The following DAGLA variants were observed in gnomAD, a reference collection of about 807,000 sequenced individuals.
DAGLA encodes the protein diacylglycerol lipase-alpha.
In DAGLA, 22 loss-of-function variants were observed where a neutral mutation model predicts 102.6. That is an observed-to-expected ratio of 0.21 (90% CI 0.15 to 0.31). The LOEUF is 0.31. Ranked by LOEUF, DAGLA falls within the 10% of genes least tolerant of loss-of-function variation. DAGLA has a pLI of 1.00. For missense variants in DAGLA, 927 were observed against 1,446.6 expected (o/e 0.64, Z 5.83); for synonymous variants, 578 against 628.9 (o/e 0.92, Z 1.21).
chr11:61,710,888 G>A (rs948058565), intron 1 of DAGLA, among the ~76,000 whole-genome samples: 2 of 152,210 alleles, frequency 1.3e-5, no homozygotes. Context: ...TCACTATGAA[G>A]TGAGTACCTT....
In DAGLA at chr11:61,686,632, G is replaced by A. The variant is rs531434823; in HGVS notation, c.-45+6128G>A. On this transcript the variant is annotated intron_variant, in intron 1 of 19. Transcript: ENST00000257215. This position sits in a 1 kb window ranked among gnomAD's most constrained non-coding sequence, Gnocchi z 5.2. Reference sequence around the variant, plus strand: ...GCAAACCAGTCCTACACCTGGAGACGGTCCTGGCCAGGGAGCCTGCGGCTC... The same window carrying A: ...GCAAACCAGTCCTACACCTGGAGACAGTCCTGGCCAGGGAGCCTGCGGCTC... Among the ~76,000 whole-genome samples, 10 of 152,324 alleles carry A rather than the reference G, an allele frequency of 6.6e-5. No individual in the cohort carries two copies. The highest frequency in any genetic ancestry group is 1.3e-4 in the Admixed American group (2 of 15,298).
intron 8 of DAGLA, 124 bp from the exon 9 acceptor site, chr11:61,731,193 G>C (rs2065371062): frequency 1.6e-5 from 19 of 1,198,632 alleles, no homozygotes; most frequent in Non-Finnish European, 2.1e-5. Flanking sequence ...ACCTCAACAG[G>C]GGACCAGCAA....
At chr11:61,719,103 A>T (rs1350578189) in intron 1 of DAGLA, among the ~76,000 whole-genome samples, 1 of 152,110 alleles carries the variant, frequency 6.6e-6, no homozygotes, top group Non-Finnish European at 1.5e-5. Context: ...GGAGCCCTTT[A>T]TGGGTATCTC....
At chr11:61,688,132 T>C (rs907521381) in intron 1 of DAGLA, among the ~76,000 whole-genome samples, 1 of 151,906 alleles carries the variant, frequency 6.6e-6, no homozygotes, top group Non-Finnish European at 1.5e-5. Flanking sequence ...CTGGCTAACA[T>C]GGTGAAACCC....
intron 1 of DAGLA, among the ~76,000 whole-genome samples, chr11:61,708,389 T>G (rs954833906): frequency 3.3e-5 from 5 of 151,966 alleles, no homozygotes; most frequent in Non-Finnish European, 5.9e-5. Context: ...TACAACTTTT[T>G]TTTTTTTTTG....
intron 1 of DAGLA, among the ~76,000 whole-genome samples, chr11:61,700,965 G>T (rs1030535571): frequency 6.6e-6 from 1 of 152,216 alleles, no homozygotes; most frequent in Non-Finnish European, 1.5e-5. Context: ...TGGTGTTCTT[G>T]CAATCCCACT....
At chr11:61,691,522 C>G (rs2065024443) in intron 1 of DAGLA, among the ~76,000 whole-genome samples, 1 of 152,242 alleles carries the variant, frequency 6.6e-6, no homozygotes, top group African/African-American at 2.4e-5. Context: ...GAGCCTGCAG[C>G]CTTTGGAGGT....
At chr11:61,701,020 G>A (rs961544346) in intron 1 of DAGLA, among the ~76,000 whole-genome samples, 1 of 152,204 alleles carries the variant, frequency 6.6e-6, no homozygotes, top group Non-Finnish European at 1.5e-5. Flanking sequence ...CTCCAGCATC[G>A]CTCAGATGTT....
At chr11:61,738,336 T>G (rs1591053276) in intron 16 of DAGLA, 129 bp downstream of exon 16, 1 of 714,464 alleles carries the variant, frequency 1.4e-6, no homozygotes, top group South Asian at 1.8e-5. Context: ...GTGGCTGGTG[T>G]TGTGGGAACT....
At chr11:61,729,984 G>C (rs1202014273) in intron 8 of DAGLA, among the ~76,000 whole-genome samples, 2 of 151,572 alleles carry the variant, frequency 1.3e-5, no homozygotes, top group Non-Finnish European at 2.9e-5. Flanking sequence ...GAGGTAGGAG[G>C]ATTGCTTGAG....
intron 9 of DAGLA, 70 bp downstream of exon 9, chr11:61,731,511 C>T (rs992429905): frequency 1.8e-5 from 29 of 1,588,574 alleles, no homozygotes; most frequent in Middle Eastern, 3.6e-4. Flanking sequence ...GAAGGGCTAC[C>T]GGGCTGCGCC....
In DAGLA at chr11:61,731,442, G is replaced by A; in HGVS notation, c.974+1G>A. 1 of 1,613,292 alleles carries A rather than the reference G, an allele frequency of 6.2e-7. No homozygotes were observed. Among genetic ancestry groups the A allele is most frequent in the Non-Finnish European group, 8.5e-7 (1 of 1,179,974 alleles). On this transcript the variant is annotated splice_donor_variant, in intron 9 of 19. Coordinates refer to ENST00000257215, the MANE Select transcript of DAGLA (RefSeq NM_006133.3). LOFTEE classifies it high-confidence loss of function. Reference sequence around the variant, plus strand: ...TCTGCCAACTGGCTCGGTCCTGCTCGTGAGTACCCCTGTCCCATCCCCCAG... The same window carrying A: ...TCTGCCAACTGGCTCGGTCCTGCTCATGAGTACCCCTGTCCCATCCCCCAG...
intron 16 of DAGLA, 27 bp downstream of exon 16, chr11:61,738,234 T>C: frequency 6.3e-7 from 1 of 1,590,708 alleles, no homozygotes; most frequent in Non-Finnish European, 8.6e-7. Flanking sequence ...GCACCCTGCC[T>C]CTGTGCAGCC....
chr11:61,722,726 T>C, intron 3 of DAGLA, 133 bp from the exon 4 acceptor site: 2 of 720,898 alleles, frequency 2.8e-6, no homozygotes, highest in Non-Finnish European at 4.8e-6. Flanking sequence ...GGTCTGCTAA[T>C]GGCCCGCTGC....
chr11:61,693,990 C>T (rs891287151), intron 1 of DAGLA, among the ~76,000 whole-genome samples: 2 of 152,256 alleles, frequency 1.3e-5, no homozygotes, highest in Non-Finnish European at 1.5e-5. Context: ...TTTAGTTTGG[C>T]ATCACCTAGG....
At chr11:61,722,289 T>C (rs1412902424) in intron 3 of DAGLA, among the ~76,000 whole-genome samples, 2 of 152,166 alleles carry the variant, frequency 1.3e-5, no homozygotes, top group Non-Finnish European at 2.9e-5. Flanking sequence ...GAGATCCTGA[T>C]AGAATGAGGA....
In DAGLA at chr11:61,734,520, C is replaced by A. The variant is rs548027052; in HGVS notation, c.975-329C>A. The stretch of plus-strand genomic sequence containing the variant: ...GCATGAGTGCATGGAGGAGCCAGTG[C>A]CCCCAGAGGGACCCCAGGGCTTCAG... On this transcript the variant is annotated intron_variant, in intron 9 of 19. Transcript: ENST00000257215. This position sits in a 1 kb window ranked among gnomAD's most constrained non-coding sequence, Gnocchi z 4.2. Among the ~76,000 whole-genome samples the A allele has an allele frequency of 2.0e-5, 3 of 152,184 alleles. No individual in the cohort carries two copies. The East Asian group carries it at 5.8e-4, about 29-fold the overall frequency.
chr11:61,735,672 G>C (rs576549348), intron 11 of DAGLA, 28 bp downstream of exon 11: 3 of 1,612,708 alleles, frequency 1.9e-6, no homozygotes, highest in Non-Finnish European at 1.7e-6. Flanking sequence ...CCCAGCCCCC[G>C]GGGGTGCCTG....
chr11:61,708,834 C>A, intron 1 of DAGLA, among the ~76,000 whole-genome samples: 1 of 152,242 alleles, frequency 6.6e-6, no homozygotes, highest in Non-Finnish European at 1.5e-5. Context: ...AATCAAGGCA[C>A]TGGGACCAAA....
Sources: gnomAD v4.1 joint callset for allele counts (sites outside exome capture counted in the v4.1 genomes callset) on GRCh38, gnomAD v4.1.1 for gene constraint, Gnocchi (gnomAD v3.1) non-coding constraint, MANE v1.5 for transcripts, NCBI Gene and HGNC (gene_info 2026-07-23, HGNC 2026-07-21) for gene names.